Variants in ATP5PF observed in about 807,000 individuals in gnomAD.
The protein encoded by ATP5PF is ATP synthase peripheral stalk subunit F6, also known as ATP synthase peripheral stalk subunit F6, mitochondrial.
A neutral mutation model predicts 12.0 loss-of-function variants in ATP5PF; 7 were observed. That is an observed-to-expected ratio of 0.58 (90% confidence interval 0.33 to 1.10). The LOEUF is 1.10. ATP5PF is among the 50% of genes least tolerant of loss of function. The pLI, the probability that ATP5PF is intolerant of heterozygous loss-of-function variation, is 0.03. For missense variants in ATP5PF, 120 were observed against 127.7 expected (o/e 0.94, Z 0.29); for synonymous variants, 41 against 45.4 (o/e 0.90, Z 0.39).
chr21:25,735,063 A>G, upstream of ATP5PF: 1 of 1,175,698 alleles, frequency 8.5e-7, no homozygotes, highest in Non-Finnish European at 1.2e-6. Flanking sequence ...AGGAGGAGGA[A>G]GTGGAGGGTA....
At chr21:25,733,893 A>G (rs1464542734) in intron 1 of ATP5PF, among the ~76,000 whole-genome samples, 1 of 152,328 alleles carries the variant, frequency 6.6e-6, no homozygotes, top group Non-Finnish European at 1.5e-5. Flanking sequence ...ATCCACTTTC[A>G]TTGTTTCAAT....
At chr21:25,729,557 T>A in intron 2 of ATP5PF, 74 bp downstream of exon 2, 1 of 1,368,600 alleles carries the variant, frequency 7.3e-7, no homozygotes, top group Middle Eastern at 1.9e-4. Flanking sequence ...AAATACCAAG[T>A]CATTTTTATT....
intron 1 of ATP5PF, chr21:25,734,551 G>T: frequency 2.2e-6 from 1 of 450,636 alleles, no homozygotes; most frequent in Non-Finnish European, 3.2e-6. Flanking sequence ...AATCTCTCCC[G>T]CGCGCCTGAC....
intron 1 of ATP5PF, among the ~76,000 whole-genome samples, chr21:25,733,359 CT>C (rs1259214878): frequency 3.3e-5 from 5 of 152,070 alleles, no homozygotes. Context: ...GAAACCCGGT[CT>C]CTACTGAAAA....
intron 1 of ATP5PF, among the ~76,000 whole-genome samples, chr21:25,733,766 C>T (rs1462751191): frequency 1.3e-5 from 2 of 152,168 alleles, no homozygotes; most frequent in Non-Finnish European, 2.9e-5. Flanking sequence ...GTGTTCTTAT[C>T]CCTGCTTTAC....
chr21:25,727,780 C>T (rs77624939), intron 2 of ATP5PF, among the ~76,000 whole-genome samples: 1,525 of 152,266 alleles, frequency 0.01, 7 homozygotes, highest in African/African-American at 0.015. Context: ...AATTCCCTGA[C>T]GAGTCCTGCA....
chr21:25,724,845 C>A, intron 3 of ATP5PF, 168 bp from the exon 4 acceptor site: 1 of 670,092 alleles, frequency 1.5e-6, no homozygotes, highest in Non-Finnish European at 2.5e-6. Context: ...TTTCTATGAG[C>A]CATGCATTCC....
At chr21:25,733,946 A>G (rs2034897934) in intron 1 of ATP5PF, among the ~76,000 whole-genome samples, 1 of 152,174 alleles carries the variant, frequency 6.6e-6, no homozygotes, top group Non-Finnish European at 1.5e-5. Flanking sequence ...TCGCATTTCT[A>G]ATTTTAGTAT....
At chr21:25,735,221 G>A, upstream of ATP5PF, 3 of 587,494 alleles carry the variant, frequency 5.1e-6, no homozygotes, top group Non-Finnish European at 9.2e-6. Flanking sequence ...CCGAGTCAGC[G>A]TCCTGTTCGT....
chr21:25,732,688 G>A (rs1260073683), intron 1 of ATP5PF, among the ~76,000 whole-genome samples: 8 of 149,992 alleles, frequency 5.3e-5, no homozygotes, highest in Non-Finnish European at 1.2e-4. Context: ...CAATCAGGCC[G>A]GGCGTGATGG....
chr21:25,732,600 T>C (rs1185220915), intron 1 of ATP5PF, among the ~76,000 whole-genome samples: 3 of 150,566 alleles, frequency 2.0e-5, no homozygotes, highest in Non-Finnish European at 3.0e-5. Context: ...GAGCTGTGAT[T>C]GCACCACTGC....
rs1300411736 is a variant in ATP5PF at position 25,724,539 on chromosome 21, A to G, written c.*101T>C. 7.7e-7 allele frequency: 1 copy of G among 1,306,524 alleles called. No homozygotes were observed. Among genetic ancestry groups the G allele is most frequent in the Non-Finnish European group, 1.1e-6 (1 of 929,188 alleles). The allele number at this position is 1,306,524 out of a possible 1,614,324, so 80.9% of individuals were successfully genotyped here. On this transcript the variant is annotated 3_prime_UTR_variant, in exon 4 of 4. Coordinates refer to ENST00000284971, the MANE Select transcript of ATP5PF (RefSeq NM_001003703.2). ...TAATTTATTTGGACTCAGAATTAAA[A>G]GAACATTTGACAGTTATGAAATGCA...
intron 1 of ATP5PF, among the ~76,000 whole-genome samples, chr21:25,730,736 CAAAAAAAAAAAAAAAAAA>C (rs71183508): frequency 1.6e-3 from 50 of 31,890 alleles, no homozygotes; most frequent in South Asian, 0.014. Flanking sequence ...CTCCGTCTCA[CAAAAAAAAAAAAAAAAAA>C]AAAAAAAAAA....
intron 3 of ATP5PF, 109 bp from the exon 4 acceptor site, chr21:25,724,786 C>T (rs2034572875): frequency 9.0e-7 from 1 of 1,113,124 alleles, no homozygotes; most frequent in Non-Finnish European, 1.3e-6. Context: ...TTAGTAAACA[C>T]TGTTTGTAAA....
chr21:25,725,922 T>C (rs2034607375), intron 2 of ATP5PF, among the ~76,000 whole-genome samples: 1 of 152,262 alleles, frequency 6.6e-6, no homozygotes, highest in South Asian at 2.1e-4. Context: ...TAAGTCAGAA[T>C]TTCTCAGGGT....
rs2034806978 is a variant in ATP5PF, at chr21:25,732,376, G to T, written c.-8+2477C>A. On this transcript the variant is annotated intron_variant, in intron 1 of 3. Coordinates refer to ENST00000284971, the MANE Select transcript of ATP5PF (RefSeq NM_001003703.2). The stretch of plus-strand genomic sequence containing the variant: ...AGAAATCTACAATGAGCCAGGTGCA[G>T]CGGATCATGCCTGTAATCCCAGCAC... Among the ~76,000 whole-genome samples the T allele has an allele frequency of 7.9e-5, 12 of 152,160 alleles. 1 individual carries two copies. The South Asian group carries it at 2.5e-3, about 32-fold the overall frequency.
intron 1 of ATP5PF, among the ~76,000 whole-genome samples, chr21:25,733,640 G>A (rs1188058554): frequency 6.6e-6 from 1 of 152,070 alleles, no homozygotes. Flanking sequence ...CTAAGGACAT[G>A]CTTAACATTC....
At chr21:25,734,750 G>T in intron 1 of ATP5PF, 103 bp downstream of exon 1, 1 of 1,190,266 alleles carries the variant, frequency 8.4e-7, no homozygotes, top group Non-Finnish European at 1.2e-6. Context: ...ACACAGAGCT[G>T]CTCTCTCCTC....
chr21:25,724,756 T>C, intron 3 of ATP5PF, 79 bp from the exon 4 acceptor site: 1 of 1,417,074 alleles, frequency 7.1e-7, no homozygotes, highest in Non-Finnish European at 9.7e-7. Context: ...AAGATTTAAC[T>C]CATCAATTTT....
Sources: gnomAD v4.1 joint callset for allele counts (sites outside exome capture counted in the v4.1 genomes callset) on GRCh38, gnomAD v4.1.1 for gene constraint, MANE v1.5 for transcripts, NCBI Gene and HGNC (gene_info 2026-07-23, HGNC 2026-07-21) for gene names.